Variants in ABCA13 observed in about 807,000 individuals in gnomAD.
ABCA13 encodes the protein ATP-binding cassette sub-family A member 13.
In ABCA13, 476 loss-of-function variants were observed where a neutral mutation model predicts 478.7. That is an observed-to-expected ratio of 0.99 (90% CI 0.92 to 1.07). The LOEUF (loss-of-function observed/expected upper bound fraction) is 1.07, where lower values mean the gene tolerates loss of function less well. Ranked by LOEUF, ABCA13 falls within the 50% of genes least tolerant of loss-of-function variation. The pLI is 0.00. For synonymous variants in ABCA13, 2,252 were observed against 2,158.9 expected (o/e 1.04, Z -1.20); for missense variants, 6,060 against 5,910.6 (o/e 1.03, Z -0.83).
chr7:48,268,990 G>A lies in ABCA13; in HGVS notation c.2016G>A (p.Glu672=), dbSNP rs766226440. The change falls in exon 16 of 62, where the codon GAG becomes GAA. Residue 672 remains glutamate (E), a synonymous_variant. Coordinates refer to ENST00000435803, the MANE Select transcript of ABCA13 (RefSeq NM_152701.5). ...SFQNRLLAFP[E]ESPCFEENMD... is the part of the protein sequence containing the mutation. ...TGTCTTTTTATTTAGCTTTTCCTGA[G>A]GAATCTCCTTGTTTTGAAGAAAACA... 1.3e-6 allele frequency: 2 copies of A among 1,564,804 alleles called. No homozygotes were observed.
intron 47 of ABCA13, among the ~76,000 whole-genome samples, chr7:48,486,039 G>A (rs533247151): frequency 2.6e-4 from 40 of 152,228 alleles, no homozygotes; most frequent in Admixed American, 8.5e-4. Flanking sequence ...TCCAGCCTGG[G>A]GTACCTTCTT....
Position 48,427,768 on chromosome 7 carries a change from G to A in ABCA13, c.12462G>A (p.Val4154=), listed in dbSNP as rs1274162914. 1 of 1,606,700 alleles carries A rather than the reference G, an allele frequency of 6.2e-7. No homozygotes were observed. ...TGGCGTTTTTTTTTCTCCGAAAGGTGTTTTTGATGCTTTTGCAAGATTCCA... is the reference window on the plus strand; with the variant it reads ...TGGCGTTTTTTTTTCTCCGAAAGGTATTTTTGATGCTTTTGCAAGATTCCA... ...YGISDTTLEE[V]FLMLLQDSNK... Residue 4154 remains valine (V), a splice_region_variant and synonymous_variant, in exon 42 of 62, where the codon GTG becomes GTA. Transcript: ENST00000435803.
chr7:48,558,512 G>A (rs1786103598), intron 55 of ABCA13, among the ~76,000 whole-genome samples: 1 of 152,000 alleles, frequency 6.6e-6, no homozygotes, highest in African/African-American at 2.4e-5. Context: ...TGCCCAGGCT[G>A]GTCTTGAACT....
intron 42 of ABCA13, among the ~76,000 whole-genome samples, chr7:48,437,970 A>T (rs975146921): frequency 2.6e-5 from 4 of 151,984 alleles, no homozygotes; most frequent in East Asian, 3.9e-4. Flanking sequence ...GTATTCCCCT[A>T]TCTATAATCT....
intron 38 of ABCA13, among the ~76,000 whole-genome samples, chr7:48,393,237 T>A (rs115499595): frequency 6.6e-6 from 1 of 152,166 alleles, no homozygotes; most frequent in African/African-American, 2.4e-5. Context: ...ATTAATCCAG[T>A]GCTGGGGTCA....
chr7:48,417,572 A>G (rs556296617), intron 41 of ABCA13, among the ~76,000 whole-genome samples: 1 of 152,280 alleles, frequency 6.6e-6, no homozygotes, highest in Non-Finnish European at 1.5e-5. Context: ...AATTGAGCAG[A>G]ATGCACAAAT....
chr7:48,267,105 A>T (rs1247193636), intron 15 of ABCA13, among the ~76,000 whole-genome samples: 2 of 152,014 alleles, frequency 1.3e-5, no homozygotes, highest in East Asian at 3.9e-4. Flanking sequence ...AATATGATCT[A>T]CCTTGGTAAA....
rs994664369 is a variant in ABCA13, at chr7:48,286,292, G to T, written c.8837-1668G>T. Among the ~76,000 whole-genome samples, 5 of 152,132 alleles carry T rather than the reference G, an allele frequency of 3.3e-5. 1 individual carries two copies. The highest frequency in any genetic ancestry group is 6.5e-5 in the Admixed American group (1 of 15,276). ...CCAGTGTTACAGTATCACACACAGG[G>T]TTTTACTGCCTGAAAAATCCTCTGT... On this transcript the variant is annotated intron_variant, in intron 19 of 61. Transcript: ENST00000435803.
intron 50 of ABCA13, 75 bp downstream of exon 50, chr7:48,508,124 G>A (rs967084075): frequency 6.3e-7 from 1 of 1,585,928 alleles, no homozygotes; most frequent in East Asian, 2.3e-5. Context: ...GGGATGGAGG[G>A]GGGCATTGGG....
intron 32 of ABCA13, 86 bp downstream of exon 32, chr7:48,367,994 G>A: frequency 9.6e-7 from 1 of 1,037,114 alleles, no homozygotes. Context: ...ACCAACCTGA[G>A]CCTCTCTGTT....
chr7:48,385,028 AG>A (rs1814965368), intron 35 of ABCA13, among the ~76,000 whole-genome samples: 2 of 152,310 alleles, frequency 1.3e-5, no homozygotes, highest in South Asian at 4.1e-4. Flanking sequence ...TTTGAAGTAC[AG>A]GGGGTTAGAA....
chr7:48,625,632 T>A (rs543629174), intron 59 of ABCA13, among the ~76,000 whole-genome samples: 1 of 152,340 alleles, frequency 6.6e-6, no homozygotes, highest in South Asian at 2.1e-4. Context: ...AGCATTGCTC[T>A]GACATAATTA....
At chr7:48,428,967 A>G (rs1821784723) in intron 42 of ABCA13, among the ~76,000 whole-genome samples, 2 of 152,188 alleles carry the variant, frequency 1.3e-5, no homozygotes, top group African/African-American at 4.8e-5. Context: ...CTTCAGCCAT[A>G]GGCAACCCCT....
intron 23 of ABCA13, among the ~76,000 whole-genome samples, chr7:48,308,728 G>A (rs1801287528): frequency 6.6e-6 from 1 of 151,878 alleles, no homozygotes; most frequent in South Asian, 2.1e-4. Context: ...ATATAGGATG[G>A]TGGTCCCATG....
chr7:48,313,029 G>T, intron 24 of ABCA13, 38 bp from the exon 25 acceptor site: 1 of 1,507,916 alleles, frequency 6.6e-7, no homozygotes, highest in Non-Finnish European at 8.9e-7. Flanking sequence ...TACAGTGTTG[G>T]TTATTTCATG....
intron 35 of ABCA13, among the ~76,000 whole-genome samples, chr7:48,381,294 G>A (rs1019259903): frequency 1.3e-5 from 2 of 152,088 alleles, no homozygotes; most frequent in South Asian, 2.1e-4. Flanking sequence ...GTAGGAGGGT[G>A]TCTCCAGATG....
At chr7:48,643,156 T>C (rs1795220244) in intron 59 of ABCA13, 132 bp from the exon 60 acceptor site, 2 of 603,892 alleles carry the variant, frequency 3.3e-6, no homozygotes, top group Non-Finnish European at 5.9e-6. Context: ...GTGTCTTATA[T>C]TGAGAATCCA....
chr7:48,370,184 C>T (rs113839444), intron 32 of ABCA13, among the ~76,000 whole-genome samples: 36,196 of 151,938 alleles, frequency 0.24, 4,776 homozygotes, highest in African/African-American at 0.35. Flanking sequence ...CTTGATTTGA[C>T]TCTCAGCTTG....
At chr7:48,441,162 T>C (rs1823537408) in intron 42 of ABCA13, among the ~76,000 whole-genome samples, 1 of 152,276 alleles carries the variant, frequency 6.6e-6, no homozygotes, top group East Asian at 1.9e-4. Flanking sequence ...CTAAGTCCAG[T>C]TTATGTTACT....
Sources: gnomAD v4.1 joint callset for allele counts (sites outside exome capture counted in the v4.1 genomes callset) on GRCh38, gnomAD v4.1.1 for gene constraint, MANE v1.5 for transcripts, NCBI Gene and HGNC (gene_info 2026-07-23, HGNC 2026-07-21) for gene names.